The following CHM variants were observed in gnomAD, a reference collection of about 807,000 sequenced individuals.
CHM encodes the protein rab proteins geranylgeranyltransferase component A 1.
A neutral mutation model predicts 49.0 loss-of-function variants in CHM; 10 were observed. The observed-to-expected ratio is 0.20, with a 90% CI of 0.13 to 0.35. The LOEUF is 0.35. Among genes scored for constraint, CHM ranks in the 10% least tolerant of loss-of-function variants. CHM has a pLI of 1.00. For synonymous variants in CHM, 184 were observed against 167.5 expected (o/e 1.10, Z -0.76); for missense variants, 455 against 478.4 (o/e 0.95, Z 0.46).
chrX:86,029,031 A>C (rs1444984756), intron 1 of CHM, among the ~76,000 whole-genome samples: 1 of 112,446 alleles, frequency 8.9e-6, no homozygotes, highest in African/African-American at 3.2e-5. Context: ...CTGCCTTCAC[A>C]GAGGAACTAG....
intron 1 of CHM, among the ~76,000 whole-genome samples, chrX:86,028,642 A>C (rs1001192736): frequency 8.9e-6 from 1 of 112,160 alleles, no homozygotes; most frequent in Non-Finnish European, 1.9e-5. Context: ...TTAAAAATTC[A>C]AGTTTTCTAT....
At chrX:85,877,382 T>G (rs1924481983) in intron 13 of CHM, among the ~76,000 whole-genome samples, 1 of 111,197 alleles carries the variant, frequency 9.0e-6, no homozygotes, top group Non-Finnish European at 1.9e-5. Flanking sequence ...TTGTGGGAGC[T>G]AAAAATTAAA....
At chrX:86,008,253 G>A (rs1932910837) in intron 2 of CHM, among the ~76,000 whole-genome samples, 1 of 111,300 alleles carries the variant, frequency 9.0e-6, no homozygotes, top group Non-Finnish European at 1.9e-5. Flanking sequence ...ACCGGGGCCT[G>A]TCGGCAGGTG....
At chrX:86,021,155 T>TATATAC (rs1361889716) in intron 2 of CHM, among the ~76,000 whole-genome samples, 3 of 50,909 alleles carry the variant, frequency 5.9e-5, no homozygotes, top group African/African-American at 2.9e-4. Context: ...TATATATATA[T>TATATAC]ATACACGTAT....
intron 14 of CHM, among the ~76,000 whole-genome samples, chrX:85,866,867 G>A (rs1603231780): frequency 8.9e-6 from 1 of 112,938 alleles, no homozygotes; most frequent in African/African-American, 3.2e-5. Context: ...ATTTGGAATG[G>A]GGACATTTAC....
rs1442233801 is a variant in CHM, at chrX:85,862,026, T to C, written c.*2604A>G. On this transcript the variant is annotated 3_prime_UTR_variant, in exon 15 of 15. Coordinates refer to ENST00000357749, the MANE Select transcript of CHM (RefSeq NM_000390.4). ...AGCTCTAAGAATAATTTCTGTTACA[T>C]TTTGAGGCAACAGGAAATATATAAA... The C allele has an allele frequency of 8.9e-6, 1 of 112,349 alleles. No homozygotes were observed. Among genetic ancestry groups the C allele is most frequent in the Non-Finnish European group, 1.9e-5 (1 of 53,268 alleles). The allele number at this position is 112,349 out of a possible 1,213,427, so 9.3% of individuals were successfully genotyped here. A position where few individuals can be genotyped will look rare whatever the true frequency, so the allele number is the denominator to read the frequency against.
intron 8 of CHM, among the ~76,000 whole-genome samples, chrX:85,949,119 A>G (rs1407573342): frequency 9.0e-6 from 1 of 111,627 alleles, no homozygotes; most frequent in Non-Finnish European, 1.9e-5. Context: ...TGCAGATAAT[A>G]AAAATATATG....
At position 86,000,513 on chromosome X, in the gene CHM, C is replaced by CAAAA. The variant is rs754600557; in HGVS notation, c.117-18708_117-18705dup. Among the ~76,000 whole-genome samples, 208 of 58,566 alleles carry CAAAA rather than the reference C, an allele frequency of 3.6e-3. 6 individuals carry two copies. Among genetic ancestry groups the CAAAA allele is most frequent in the Middle Eastern group, 0.014 (1 of 72 alleles). The allele number at this position is 58,566 out of a possible 115,157, so 50.9% of individuals were successfully genotyped here. On this transcript the variant is annotated intron_variant, in intron 2 of 14. Coordinates refer to ENST00000357749, the MANE Select transcript of CHM (RefSeq NM_000390.4). ...GCAATCCCACTACTGGGAATATATT[C>CAAAA]AAAAAAAAAAAAAAAAAAAAGAGGA...
At chrX:85,906,428 A>G in intron 9 of CHM, among the ~76,000 whole-genome samples, 1 of 112,090 alleles carries the variant, frequency 8.9e-6, no homozygotes. Flanking sequence ...AAATGGTTCT[A>G]CAAGTTTTGT....
At chrX:85,865,636 A>T (rs975266435) in intron 14 of CHM, among the ~76,000 whole-genome samples, 1 of 111,497 alleles carries the variant, frequency 9.0e-6, no homozygotes, top group African/African-American at 3.3e-5. Flanking sequence ...TAAATGTGGG[A>T]AAATTTGGAA....
intron 12 of CHM, among the ~76,000 whole-genome samples, chrX:85,888,023 T>C (rs1411890531): frequency 1.8e-5 from 2 of 112,096 alleles, no homozygotes; most frequent in Non-Finnish European, 3.8e-5. Context: ...GAGGAGAAAT[T>C]CAAGCTGGTT....
At chrX:86,024,139 A>G (rs1476402313) in intron 2 of CHM, among the ~76,000 whole-genome samples, 3 of 112,143 alleles carry the variant, frequency 2.7e-5, no homozygotes, top group African/African-American at 9.7e-5. Flanking sequence ...GCTGAGGGGT[A>G]GAGACAGGCA....
Position 85,902,576 on chromosome X carries a change from TTC to T in CHM, c.1245-1390_1245-1389del, listed in dbSNP as rs1367714954. Among the ~76,000 whole-genome samples the T allele has an allele frequency of 9.0e-5, 10 of 111,702 alleles. No homozygotes were observed. The East Asian group carries it at 2.5e-3, about 28-fold the overall frequency. On this transcript the variant is annotated intron_variant, in intron 9 of 14. Transcript: ENST00000357749. ...TCTCCACCTTCTTTCTCTTCTACAC[TTC>T]TGTTTCTATACATACCTCCTCATAT...
At chrX:85,963,285 A>C (rs1165810605) in intron 5 of CHM, among the ~76,000 whole-genome samples, 2 of 112,031 alleles carry the variant, frequency 1.8e-5, no homozygotes, top group African/African-American at 6.5e-5. Context: ...ATCATCATAC[A>C]GTTGTGAAAA....
intron 8 of CHM, among the ~76,000 whole-genome samples, chrX:85,953,664 A>G (rs895345962): frequency 5.3e-5 from 6 of 112,178 alleles, no homozygotes; most frequent in African/African-American, 1.9e-4. Context: ...AAGAATATAC[A>G]CTGGGTAAAA....
chrX:86,012,459 C>T (rs1933117416), intron 2 of CHM, among the ~76,000 whole-genome samples: 1 of 111,418 alleles, frequency 9.0e-6, no homozygotes, highest in African/African-American at 3.3e-5. Context: ...AAGTTGACAT[C>T]TGATTCCAGG....
intron 9 of CHM, among the ~76,000 whole-genome samples, chrX:85,909,086 G>A (rs750927220): frequency 9.9e-5 from 11 of 111,387 alleles, no homozygotes; most frequent in Non-Finnish European, 1.9e-4. Flanking sequence ...CAGAGGAAAG[G>A]ATTTGCCCAC....
At chrX:86,042,252 T>C (rs918303041) in intron 1 of CHM, among the ~76,000 whole-genome samples, 6 of 111,571 alleles carry the variant, frequency 5.4e-5, no homozygotes, top group Admixed American at 2.9e-4. Flanking sequence ...AAGCAGCCTA[T>C]CATTTTTAAG....
intron 13 of CHM, among the ~76,000 whole-genome samples, chrX:85,875,867 G>A (rs1035205910): frequency 9.0e-6 from 1 of 111,353 alleles, no homozygotes; most frequent in East Asian, 2.8e-4. Flanking sequence ...AAAGTTTTAG[G>A]ACACAAAAAT....
Sources: gnomAD v4.1 joint callset for allele counts (sites outside exome capture counted in the v4.1 genomes callset) on GRCh38, gnomAD v4.1.1 for gene constraint, MANE v1.5 for transcripts, NCBI Gene and HGNC (gene_info 2026-07-23, HGNC 2026-07-21) for gene names.